ERC2: variants seen among roughly 807,000 people sequenced by gnomAD.
ERC2 encodes the protein ERC protein 2.
A neutral mutation model predicts 114.8 loss-of-function variants in ERC2; 42 were observed. The ratio of observed to expected loss-of-function variants is 0.37; its 90% CI spans 0.29 to 0.47. The LOEUF is 0.47. Among genes scored for constraint, ERC2 ranks in the 20% least tolerant of loss-of-function variants. The pLI is 0.99. For missense variants in ERC2, 939 were observed against 1,150.7 expected, an observed-to-expected ratio of 0.82 and a Z score of 2.66; for synonymous variants, 454 against 425.5, an observed-to-expected ratio of 1.07 and a Z score of -0.82.
At position 55,866,048 on chromosome 3, in the gene ERC2, C is replaced by T. The variant is rs372022562; in HGVS notation, c.2564+22341G>A. On this transcript the variant is annotated intron_variant, in intron 14 of 17. Coordinates refer to ENST00000288221, the MANE Select transcript of ERC2 (RefSeq NM_015576.3). ...CTGCCAAACTGTTTTCCAAAGTGGCCGCACCATTTTACAGTCCTACTGGCA... is the reference window on the plus strand; with the variant it reads ...CTGCCAAACTGTTTTCCAAAGTGGCTGCACCATTTTACAGTCCTACTGGCA... Among the ~76,000 whole-genome samples, 36 of 152,166 alleles carry T rather than the reference C, an allele frequency of 2.4e-4. No homozygotes were observed. The South Asian group carries it at 6.8e-3, about 29-fold the overall frequency.
At chr3:56,177,213 G>C (rs2083026454) in intron 3 of ERC2, among the ~76,000 whole-genome samples, 1 of 152,192 alleles carries the variant, frequency 6.6e-6, no homozygotes, top group Non-Finnish European at 1.5e-5. Flanking sequence ...TACCTTATTA[G>C]TCCTGTATTG....
chr3:55,913,473 A>C (rs145306045), intron 13 of ERC2, among the ~76,000 whole-genome samples: 1 of 152,206 alleles, frequency 6.6e-6, no homozygotes, highest in African/African-American at 2.4e-5. Context: ...GCACATACCT[A>C]TAAATTGGTC....
At position 55,749,931 on chromosome 3, in the gene ERC2, C is replaced by T. The variant is rs187423117; in HGVS notation, c.2565-15013G>A. Among the ~76,000 whole-genome samples the T allele has an allele frequency of 9.2e-5, 14 of 152,228 alleles. No individual in the cohort carries two copies. In the East Asian group the frequency reaches 1.4e-3, roughly 15 times the overall value. Reference sequence around the variant, plus strand: ...CGAACCCACCAGCAGGAGCCAACTCCGGACACAAAGGGATTCAAGATCCCA... The same window carrying T: ...CGAACCCACCAGCAGGAGCCAACTCTGGACACAAAGGGATTCAAGATCCCA... On this transcript the variant is annotated intron_variant, in intron 14 of 17. Coordinates refer to ENST00000288221, the MANE Select transcript of ERC2 (RefSeq NM_015576.3).
chr3:55,658,900 G>A (rs1336363699), intron 17 of ERC2: 1 of 152,684 alleles, frequency 6.5e-6, no homozygotes, highest in South Asian at 2.1e-4. Flanking sequence ...CAAGAGTCAG[G>A]ACACCTGTCA....
chr3:56,126,630 T>C (rs1037189597), intron 6 of ERC2, among the ~76,000 whole-genome samples: 3 of 151,854 alleles, frequency 2.0e-5, no homozygotes, highest in African/African-American at 4.8e-5. Context: ...TGGTGGTATG[T>C]AGTAGTCCCA....
intron 2 of ERC2, among the ~76,000 whole-genome samples, chr3:56,404,834 C>T (rs2060652091): frequency 6.6e-6 from 1 of 151,960 alleles, no homozygotes; most frequent in Non-Finnish European, 1.5e-5. Flanking sequence ...ACAGCACGTG[C>T]TATATAAGTG....
At chr3:55,540,802 G>C (rs555842239) in intron 17 of ERC2, among the ~76,000 whole-genome samples, 230 of 152,272 alleles carry the variant, frequency 1.5e-3, no homozygotes, top group Admixed American at 2.7e-3. Flanking sequence ...AGGTCAGTTC[G>C]GACCGGCACC....
chr3:56,183,383 T>C (rs908928675), intron 3 of ERC2, among the ~76,000 whole-genome samples: 2 of 152,244 alleles, frequency 1.3e-5, no homozygotes, highest in Non-Finnish European at 2.9e-5. Context: ...CTGGATTTTC[T>C]CTAATACTCA....
intron 12 of ERC2, among the ~76,000 whole-genome samples, chr3:55,964,313 T>C (rs2068595450): frequency 2.0e-5 from 3 of 152,194 alleles, no homozygotes; most frequent in Admixed American, 1.3e-4. Flanking sequence ...ATTTGAACTA[T>C]TGTTCTGATG....
At chr3:55,667,001 A>G (rs2061381152) in intron 17 of ERC2, among the ~76,000 whole-genome samples, 1 of 152,246 alleles carries the variant, frequency 6.6e-6, no homozygotes, top group South Asian at 2.1e-4. Context: ...ACATTATTAC[A>G]TAACACATGT....
At chr3:56,047,745 T>C (rs4974116) in intron 7 of ERC2, among the ~76,000 whole-genome samples, 142,066 of 152,274 alleles carry the variant, frequency 0.93, 66,605 homozygotes, top group East Asian at 1. Context: ...AATTTGCCTT[T>C]ATGCTTACAT....
chr3:56,129,992 G>A (rs2080109583), intron 6 of ERC2, among the ~76,000 whole-genome samples: 1 of 152,130 alleles, frequency 6.6e-6, no homozygotes, highest in Non-Finnish European at 1.5e-5. Context: ...CATTGACAAT[G>A]GGCTAAGGTT....
intron 13 of ERC2, among the ~76,000 whole-genome samples, chr3:55,938,728 G>A (rs908674626): frequency 3.9e-5 from 6 of 152,160 alleles, no homozygotes; most frequent in African/African-American, 1.2e-4. Context: ...AAGTCTGCTG[G>A]TAATGACACA....
At chr3:55,738,787 G>T (rs1329657064) in intron 14 of ERC2, among the ~76,000 whole-genome samples, 1 of 152,114 alleles carries the variant, frequency 6.6e-6, no homozygotes, top group African/African-American at 2.4e-5. Context: ...TTTACTTTAA[G>T]TTCTGGTGCA....
At chr3:56,414,768 C>T (rs539275416) in intron 2 of ERC2, among the ~76,000 whole-genome samples, 3 of 152,016 alleles carry the variant, frequency 2.0e-5, no homozygotes, top group South Asian at 2.1e-4. Context: ...AAAGATGTCC[C>T]TTCCACTCTC....
At chr3:56,183,644 A>T (rs1176419154) in intron 3 of ERC2, among the ~76,000 whole-genome samples, 1 of 152,198 alleles carries the variant, frequency 6.6e-6, no homozygotes, top group African/African-American at 2.4e-5. Context: ...AATAATTTTC[A>T]TTTAGCAAAA....
chr3:55,766,232 C>T (rs183184025), intron 14 of ERC2, among the ~76,000 whole-genome samples: 35 of 150,102 alleles, frequency 2.3e-4, no homozygotes, highest in Non-Finnish European at 4.6e-4. Context: ...GCATCTGCCC[C>T]CATTTAAAGG....
intron 2 of ERC2, among the ~76,000 whole-genome samples, chr3:56,426,760 A>C (rs962223118): frequency 8.5e-5 from 13 of 152,230 alleles, no homozygotes; most frequent in African/African-American, 3.1e-4. Context: ...GCCAACCTGC[A>C]GATATGTGAG....
At chr3:55,692,114 G>T (rs2062699829) in intron 16 of ERC2, among the ~76,000 whole-genome samples, 2 of 152,320 alleles carry the variant, frequency 1.3e-5, no homozygotes, top group Middle Eastern at 6.8e-3. Flanking sequence ...AGAGCAGGTT[G>T]GACCCCTTGC....
Sources: allele counts gnomAD v4.1 joint callset (sites outside exome capture counted in the v4.1 genomes callset), GRCh38; gene constraint gnomAD v4.1.1; transcripts MANE v1.5; gene names NCBI Gene and HGNC (gene_info 2026-07-23, HGNC 2026-07-21).